The following ERICH1 variants were observed in gnomAD, a reference collection of about 807,000 sequenced individuals.
ERICH1 encodes glutamate rich 1.
A neutral mutation model predicts 39.6 loss-of-function variants in ERICH1; 56 were observed. The observed-to-expected ratio is 1.41, with a 90% CI of 1.14 to 1.77. The LOEUF is 1.77. Ranked by LOEUF, ERICH1 falls within the 40% of genes most tolerant of loss-of-function variation. ERICH1 has a pLI of 0.00. For missense variants in ERICH1, 826 were observed against 575.4 expected (o/e 1.44, Z -4.45); for synonymous variants, 313 against 223.6 (o/e 1.40, Z -3.57).
At chr8:627,025 A>T in intron 3 of ERICH1, 1 of 438,694 alleles carries the variant, frequency 2.3e-6, no homozygotes, top group Admixed American at 2.4e-5. Flanking sequence ...ATGGTGTCCG[A>T]CACTCCCTTC....
intron 3 of ERICH1, among the ~76,000 whole-genome samples, chr8:634,063 T>A (rs1395620370): frequency 4.0e-5 from 6 of 148,244 alleles, no homozygotes; most frequent in African/African-American, 1.5e-4. Flanking sequence ...GTCCATCAAA[T>A]GACATTAAGA....
intron 3 of ERICH1, among the ~76,000 whole-genome samples, chr8:687,176 A>G (rs1267129274): frequency 1.3e-5 from 2 of 152,178 alleles, no homozygotes; most frequent in South Asian, 2.1e-4. Context: ...TGCTAGAATC[A>G]CCATCACAAC....
At chr8:629,836 A>T (rs866033032) in intron 3 of ERICH1, among the ~76,000 whole-genome samples, 398 of 86,100 alleles carry the variant, frequency 4.6e-3, no homozygotes, top group South Asian at 7.7e-3. Context: ...CAAAGCTGAC[A>T]CACACCCTCC....
chr8:723,563 A>G (rs530637774), intron 1 of ERICH1, among the ~76,000 whole-genome samples: 1 of 152,196 alleles, frequency 6.6e-6, no homozygotes, highest in African/African-American at 2.4e-5. Context: ...CACAAACCAC[A>G]TTATTTCATC....
At chr8:671,487 GC>G (rs1803386867) in intron 4 of ERICH1, among the ~76,000 whole-genome samples, 1 of 142,054 alleles carries the variant, frequency 7.0e-6, no homozygotes, top group South Asian at 2.3e-4. Context: ...GAACGTGCCA[GC>G]CCCGGTTCTA....
chr8:717,050 C>G (rs781694658), intron 1 of ERICH1, among the ~76,000 whole-genome samples: 4 of 152,194 alleles, frequency 2.6e-5, no homozygotes, highest in Non-Finnish European at 5.9e-5. Context: ...CATGAAAACC[C>G]TGAGCACAGA....
At chr8:651,741 G>C (rs1482297637) in intron 3 of ERICH1, among the ~76,000 whole-genome samples, 1 of 144,636 alleles carries the variant, frequency 6.9e-6, no homozygotes, top group Non-Finnish European at 1.5e-5. Flanking sequence ...AGACTGAGGG[G>C]AGAGAGAGGC....
At chr8:629,436 A>C (rs1244132091) in intron 3 of ERICH1, among the ~76,000 whole-genome samples, 2 of 149,682 alleles carry the variant, frequency 1.3e-5, no homozygotes, top group African/African-American at 4.9e-5. Context: ...GAGCACCCAC[A>C]CAGACAGAGC....
intron 2 of ERICH1, among the ~76,000 whole-genome samples, chr8:698,175 T>A (rs1249893750): frequency 6.6e-6 from 1 of 151,652 alleles, no homozygotes; most frequent in Non-Finnish European, 1.5e-5. Context: ...TTTTAATGCA[T>A]CCTGTAAACT....
intron 3 of ERICH1, among the ~76,000 whole-genome samples, chr8:624,199 GC>G (rs1208488633): frequency 1.3e-5 from 2 of 152,154 alleles, no homozygotes; most frequent in Non-Finnish European, 2.9e-5. Context: ...TGAGACATCA[GC>G]TCAAACCTGT....
chr8:629,746 C>CACGG (rs1554480260), intron 3 of ERICH1, among the ~76,000 whole-genome samples: 3 of 131,218 alleles, frequency 2.3e-5, no homozygotes, highest in Admixed American at 1.5e-4. Flanking sequence ...TGACAACCCA[C>CACGG]ACAGAGCTGA....
chr8:679,552 G>A (rs1013610214), intron 3 of ERICH1, among the ~76,000 whole-genome samples: 11 of 151,888 alleles, frequency 7.2e-5, no homozygotes, highest in East Asian at 5.8e-4. Context: ...CATCTCTCCC[G>A]TGGATGCTGC....
chr8:670,035 T>C (rs1362015040), intron 4 of ERICH1, among the ~76,000 whole-genome samples: 1 of 152,158 alleles, frequency 6.6e-6, no homozygotes, highest in Non-Finnish European at 1.5e-5. Flanking sequence ...TCCCACTCCA[T>C]GTCTGCCGGG....
intron 1 of ERICH1, among the ~76,000 whole-genome samples, chr8:723,217 C>A (rs1817747385): frequency 6.6e-6 from 1 of 152,230 alleles, no homozygotes; most frequent in Non-Finnish European, 1.5e-5. Context: ...CGGGGCCTCA[C>A]CAGAAATGGG....
intron 3 of ERICH1, among the ~76,000 whole-genome samples, chr8:631,645 A>G (rs903494513): frequency 2.6e-5 from 4 of 152,172 alleles, no homozygotes; most frequent in African/African-American, 9.7e-5. Context: ...ACATCGTGGT[A>G]AAATATACAC....
At chr8:652,657 G>A (rs907784479) in intron 3 of ERICH1, among the ~76,000 whole-genome samples, 6 of 152,230 alleles carry the variant, frequency 3.9e-5, no homozygotes, top group Non-Finnish European at 7.3e-5. Context: ...CTTACAGGGT[G>A]TCTTCATTCC....
chr8:669,059 A>G, intron 4 of ERICH1: 1 of 449,256 alleles, frequency 2.2e-6, no homozygotes, highest in Non-Finnish European at 3.9e-6. Flanking sequence ...GTCTGGTGAG[A>G]CGCCTCCCCT....
intron 3 of ERICH1, chr8:616,642 G>T: frequency 1.3e-5 from 6 of 454,610 alleles, no homozygotes; most frequent in South Asian, 9.3e-5. Context: ...GACAGAGAAG[G>T]AGAGACAGAC....
intron 2 of ERICH1, 72 bp from the exon 3 acceptor site, chr8:692,684 C>T: frequency 3.5e-6 from 5 of 1,428,038 alleles, no homozygotes; most frequent in Non-Finnish European, 4.7e-6. Flanking sequence ...GCCTTGATTA[C>T]ATCGGCATTG....
Sources: allele counts gnomAD v4.1 joint callset (sites outside exome capture counted in the v4.1 genomes callset), GRCh38; gene constraint gnomAD v4.1.1; transcripts MANE v1.5; gene names NCBI Gene and HGNC (gene_info 2026-07-23, HGNC 2026-07-21).